EML4: variants seen among roughly 807,000 people sequenced by gnomAD.
The protein encoded by EML4 is echinoderm microtubule-associated protein-like 4.
A neutral mutation model predicts 129.0 loss-of-function variants in EML4; 72 were observed. The observed-to-expected ratio is 0.56, with a 90% CI of 0.46 to 0.68. The LOEUF (loss-of-function observed/expected upper bound fraction) is 0.68. EML4 is among the 30% of genes least tolerant of loss of function. The pLI, the probability that EML4 is intolerant of heterozygous loss-of-function variation, is 0.00. For missense variants in EML4, 1,363 were observed against 1,190.6 expected (o/e 1.14, Z -2.13); for synonymous variants, 532 against 405.0 (o/e 1.31, Z -3.77).
chr2:42,322,755 A>G (rs2103815774), intron 19 of EML4, among the ~76,000 whole-genome samples: 2 of 152,342 alleles, frequency 1.3e-5, no homozygotes, highest in East Asian at 3.9e-4. Context: ...TAAGCTGTGC[A>G]TACACTTTGC....
intron 17 of EML4, among the ~76,000 whole-genome samples, chr2:42,313,731 C>T (rs1669085958): frequency 1.3e-5 from 2 of 151,930 alleles, no homozygotes; most frequent in Admixed American, 1.3e-4. Context: ...AGTTCAAGAC[C>T]AGCCTGATCA....
At chr2:42,182,669 A>G (rs1671017342) in intron 1 of EML4, among the ~76,000 whole-genome samples, 1 of 152,210 alleles carries the variant, frequency 6.6e-6, no homozygotes, top group South Asian at 2.1e-4. Context: ...TATTTATTTT[A>G]TATCACTTCC....
At chr2:42,240,610 C>G (rs779666645) in intron 1 of EML4, among the ~76,000 whole-genome samples, 1 of 152,140 alleles carries the variant, frequency 6.6e-6, no homozygotes, top group Non-Finnish European at 1.5e-5. Flanking sequence ...CCATGATATT[C>G]TATGGTATGG....
At chr2:42,302,502 C>A (rs550345138) in intron 14 of EML4, among the ~76,000 whole-genome samples, 3 of 151,594 alleles carry the variant, frequency 2.0e-5, no homozygotes, top group African/African-American at 7.3e-5. Context: ...CCACATTCTT[C>A]ATGTGATTTC....
chr2:42,202,122 C>A (rs977789027), intron 1 of EML4, among the ~76,000 whole-genome samples: 5 of 151,628 alleles, frequency 3.3e-5, no homozygotes, highest in Non-Finnish European at 5.9e-5. Flanking sequence ...ATGACAGTTG[C>A]CGGGGGCTTG....
intron 2 of EML4, among the ~76,000 whole-genome samples, chr2:42,254,600 ACT>A (rs1675999039): frequency 1.4e-5 from 2 of 145,826 alleles, no homozygotes; most frequent in African/African-American, 2.5e-5. Flanking sequence ...ATGAGGTAAC[ACT>A]TAATACCCTC....
At chr2:42,214,283 T>G (rs1214791811) in intron 1 of EML4, among the ~76,000 whole-genome samples, 1 of 152,160 alleles carries the variant, frequency 6.6e-6, no homozygotes, top group Non-Finnish European at 1.5e-5. Flanking sequence ...GTATAAAAAA[T>G]TAATGGTTTT....
intron 17 of EML4, among the ~76,000 whole-genome samples, chr2:42,305,123 A>T (rs1668519167): frequency 1.3e-5 from 2 of 152,158 alleles, no homozygotes; most frequent in African/African-American, 2.4e-5. Context: ...CTCAAAAAAA[A>T]TAATAAGGCG....
intron 6 of EML4, among the ~76,000 whole-genome samples, chr2:42,267,796 CTT>C (rs1461027001): frequency 6.6e-6 from 1 of 152,298 alleles, no homozygotes; most frequent in Admixed American, 6.5e-5. Context: ...GAAACCTAAA[CTT>C]TTTTTCATTA....
chr2:42,311,292 G>C (rs1373506596), intron 17 of EML4, among the ~76,000 whole-genome samples: 1 of 152,158 alleles, frequency 6.6e-6, no homozygotes, highest in African/African-American at 2.4e-5. Flanking sequence ...AATTGGGCTG[G>C]TGCAGTGCTC....
At position 42,284,398 on chromosome 2, in the gene EML4, T is replaced by C. The variant is rs1025688358; in HGVS notation, c.942-236T>C. Among the ~76,000 whole-genome samples, 3 of 152,230 alleles carry C rather than the reference T, an allele frequency of 2.0e-5. No individual in the cohort carries two copies. The East Asian group carries it at 5.8e-4, about 29-fold the overall frequency. On this transcript the variant is annotated intron_variant, in intron 8 of 22. Coordinates refer to ENST00000318522, the MANE Select transcript of EML4 (RefSeq NM_019063.5). Reference sequence around the variant, plus strand: ...ACAGTTCGTTAGCATGCCACAGTTATAAATATTTTCTTTGAACTTAGTGTT... The same window carrying C: ...ACAGTTCGTTAGCATGCCACAGTTACAAATATTTTCTTTGAACTTAGTGTT...
chr2:42,263,467 C>T (rs1399015999), intron 5 of EML4, among the ~76,000 whole-genome samples, 161 bp downstream of exon 5: 3 of 136,448 alleles, frequency 2.2e-5, no homozygotes, highest in African/African-American at 8.3e-5. Context: ...TGCAGTGGCA[C>T]CATCTTGGCT....
intron 16 of EML4, among the ~76,000 whole-genome samples, 195 bp from the exon 17 acceptor site, chr2:42,304,289 C>T (rs994064553): frequency 4.6e-5 from 7 of 152,232 alleles, no homozygotes; most frequent in African/African-American, 9.6e-5. Context: ...CTTTCCCTCA[C>T]CACTCTGCCA....
intron 1 of EML4, among the ~76,000 whole-genome samples, chr2:42,242,329 C>T (rs996303532): frequency 3.9e-5 from 6 of 152,084 alleles, no homozygotes; most frequent in African/African-American, 7.2e-5. Flanking sequence ...CTGACTTAAT[C>T]GCGGCCTTTG....
chr2:42,284,761 C>T, intron 9 of EML4, 58 bp downstream of exon 9: 1 of 1,298,092 alleles, frequency 7.7e-7, no homozygotes, highest in Non-Finnish European at 1.1e-6. Context: ...AGAGTGGAAT[C>T]TATTGTAATT....
intron 1 of EML4, among the ~76,000 whole-genome samples, chr2:42,230,606 A>T (rs1045822520): frequency 6.6e-6 from 1 of 152,092 alleles, no homozygotes; most frequent in Non-Finnish European, 1.5e-5. Context: ...GGGTTTTGTC[A>T]TGTTGGCCAG....
chr2:42,206,477 A>G (rs1398841251), intron 1 of EML4, among the ~76,000 whole-genome samples: 1 of 152,106 alleles, frequency 6.6e-6, no homozygotes, highest in Non-Finnish European at 1.5e-5. Flanking sequence ...GACCTCCCAA[A>G]GTGTTGGGAT....
At chr2:42,196,673 C>T (rs1020699239) in intron 1 of EML4, among the ~76,000 whole-genome samples, 1 of 152,124 alleles carries the variant, frequency 6.6e-6, no homozygotes, top group Non-Finnish European at 1.5e-5. Context: ...GAAAGATGGC[C>T]TTGTTTTCTA....
At chr2:42,257,419 G>A (rs1181073883) in intron 3 of EML4, among the ~76,000 whole-genome samples, 2 of 152,154 alleles carry the variant, frequency 1.3e-5, no homozygotes, top group African/African-American at 2.4e-5. Flanking sequence ...GATGGAAAAT[G>A]CTTACCTCAA....
Sources: allele counts gnomAD v4.1 joint callset (sites outside exome capture counted in the v4.1 genomes callset), GRCh38; gene constraint gnomAD v4.1.1; transcripts MANE v1.5; gene names NCBI Gene and HGNC (gene_info 2026-07-23, HGNC 2026-07-21).